The following PCM1 variants were observed in gnomAD, a reference collection of about 807,000 sequenced individuals.
PCM1 encodes the protein pericentriolar material 1.
PCM1 carries 157 observed loss-of-function variants against 241.9 expected under a neutral mutation model. The observed-to-expected ratio is 0.65, with a 90% CI of 0.57 to 0.74. The LOEUF (loss-of-function observed/expected upper bound fraction) is 0.74, where lower values mean the gene tolerates loss of function less well. Ranked by LOEUF, PCM1 falls within the 30% of genes least tolerant of loss-of-function variation. PCM1 has a pLI of 0.00. For synonymous variants in PCM1, 1,085 were observed against 784.9 expected (o/e 1.38, Z -6.39); for missense variants, 3,478 against 2,360.1 (o/e 1.47, Z -9.81).
intron 36 of PCM1, among the ~76,000 whole-genome samples, chr8:18,015,972 T>C (rs2093143786): frequency 6.6e-6 from 1 of 152,212 alleles, no homozygotes; most frequent in South Asian, 2.1e-4. Context: ...CACTGCAACC[T>C]CTGCCTCCTG....
intron 2 of PCM1, among the ~76,000 whole-genome samples, chr8:17,930,744 G>T (rs1018740040): frequency 6.6e-6 from 1 of 151,966 alleles, no homozygotes; most frequent in Non-Finnish European, 1.5e-5. Flanking sequence ...GCCAGGCGTG[G>T]TGGCGGGTGC....
rs141728937 is a variant in PCM1 at position 17,939,047 on chromosome 8, A to G, written c.612+38A>G. The G allele has an allele frequency of 3.7e-4, 588 of 1,604,278 alleles. 1 individual carries two copies. In the African/African-American group the frequency reaches 5.8e-3, roughly 16 times the overall value. The stretch of plus-strand genomic sequence containing the variant: ...GTTTCTTTTGCTCATTCTTTACACA[A>G]ACCTCAAAATACCAACAGTAAGGTT... On this transcript the variant is annotated intron_variant, in intron 5 of 38. Transcript: ENST00000325083.
rs1554688770 is a variant in PCM1 at position 17,968,762 on chromosome 8, GTATA to G, written c.3413-802_3413-799del. On this transcript the variant is annotated intron_variant, in intron 21 of 38. Coordinates refer to ENST00000325083, the MANE Select transcript of PCM1 (RefSeq NM_006197.4). Reference sequence around the variant, plus strand: ...TGTGTGTGTGTGTGTGTGTGTGTGTGTATATATATATATATACACACCACAGTGT... The same window carrying G: ...TGTGTGTGTGTGTGTGTGTGTGTGTGTATATATATATACACACCACAGTGT... Among the ~76,000 whole-genome samples, 597 of 136,762 alleles carry G rather than the reference GTATA, an allele frequency of 4.4e-3. 2 individuals carry two copies. Among genetic ancestry groups the G allele is most frequent in the African/African-American group, 0.011 (401 of 36,446 alleles). 89.7% of individuals were successfully genotyped at this position (136,762 alleles called of 152,430 possible).
chr8:17,964,431 ATAGT>A, intron 17 of PCM1, 133 bp from the exon 18 acceptor site: 1 of 619,842 alleles, frequency 1.6e-6, no homozygotes, highest in Non-Finnish European at 2.8e-6. Context: ...CACCCGTAGC[ATAGT>A]TATTGTGATT....
rs750669591 is a variant in PCM1 at position 18,006,361 on chromosome 8, A to C, written c.4926A>C (p.Val1642=). Residue 1642 remains valine (V), a synonymous_variant, in exon 30 of 39, where the codon GTA becomes GTC. Coordinates refer to ENST00000325083, the MANE Select transcript of PCM1 (RefSeq NM_006197.4). ...AAAATGATGAGAGCAAAGAGTTTGT[A>C]AAGTTCTTTCATAAACAACTTGGAA... ...TQQNDESKEF[V]KFFHKQLGSI... The C allele has an allele frequency of 4.3e-6, 7 of 1,612,934 alleles. No individual in the cohort carries two copies. In the South Asian group the frequency reaches 6.6e-5, roughly 15 times the overall value.
chr8:17,964,804 A>C (rs771716812), intron 18 of PCM1, 36 bp downstream of exon 18: 1 of 1,519,982 alleles, frequency 6.6e-7, no homozygotes, highest in Non-Finnish European at 9.1e-7. Flanking sequence ...GCTTAATTTA[A>C]GAGGCTCAGG....
chr8:17,944,629 A>G (rs1261346900), intron 6 of PCM1, among the ~76,000 whole-genome samples: 2 of 152,170 alleles, frequency 1.3e-5, no homozygotes, highest in Non-Finnish European at 2.9e-5. Context: ...GAATTAATAT[A>G]CACCTAGCAT....
intron 2 of PCM1, chr8:17,934,658 A>G (rs148180388): frequency 4.6e-5 from 7 of 152,120 alleles, no homozygotes; most frequent in Non-Finnish European, 8.8e-5. Flanking sequence ...ATGACTTTTC[A>G]TGTCCCTTGA....
intron 21 of PCM1, among the ~76,000 whole-genome samples, chr8:17,968,762 G>GTGTGTGTGTA (rs373502456): frequency 0.051 from 6,896 of 136,514 alleles, 213 homozygotes; most frequent in Non-Finnish European, 0.074. Context: ...GTGTGTGTGT[G>GTGTGTGTGTA]TATATATATA....
chr8:18,019,268 C>G (rs556758805), intron 36 of PCM1, among the ~76,000 whole-genome samples: 35 of 152,168 alleles, frequency 2.3e-4, no homozygotes, highest in Middle Eastern at 6.8e-3. Context: ...ATCTTTCATA[C>G]TTTTAGCTTA....
chr8:17,969,792 T>C, intron 22 of PCM1, 44 bp downstream of exon 22: 1 of 1,384,422 alleles, frequency 7.2e-7, no homozygotes, highest in Non-Finnish European at 1.0e-6. Flanking sequence ...CATTCACTTT[T>C]GTGATTACAT....
chr8:17,933,828 A>T (rs2059692621), intron 2 of PCM1, among the ~76,000 whole-genome samples: 1 of 152,132 alleles, frequency 6.6e-6, no homozygotes, highest in Admixed American at 6.5e-5. Context: ...AATGCCAAGT[A>T]ACTGATATGT....
chr8:17,944,214 A>G lies in PCM1; in HGVS notation c.784-2972A>G, dbSNP rs529694546. On this transcript the variant is annotated intron_variant, in intron 6 of 38. Coordinates refer to ENST00000325083, the MANE Select transcript of PCM1 (RefSeq NM_006197.4). ...TTTTAAACCAGCTATGGTTCTTCAG[A>G]CATGATGTCTTATACTTCTGTATTT... 5.3e-5 allele frequency among the ~76,000 whole-genome samples: 8 copies of G among 152,242 alleles called. 1 individual carries two copies. The Middle Eastern group carries it at 0.01, about 194-fold the overall frequency.
intron 24 of PCM1, among the ~76,000 whole-genome samples, chr8:17,982,123 A>G (rs953009927): frequency 2.6e-5 from 4 of 152,228 alleles, no homozygotes; most frequent in Admixed American, 2.6e-4. Flanking sequence ...TCAAGCTTAC[A>G]TTGCTAGGAA....
In PCM1 at chr8:17,957,343, C is replaced by T. The variant is rs1251160286; in HGVS notation, c.1726C>T (p.Arg576Ter). Residue 576 changes from arginine to a stop codon, truncating the protein, a stop_gained, in exon 12 of 39, where the codon CGA (arginine) becomes TGA (stop). Transcript: ENST00000325083. LOFTEE classifies it high-confidence loss of function. ...GTGTGTTTCTAATAATAGAGATGGG[C>T]GAACAGTTAATTCTAATTGTGAAAT... ...AQCVSNNRDG[R>*]TVNSNCEINN... The T allele has an allele frequency of 1.2e-6, 2 of 1,609,900 alleles. No individual in the cohort carries two copies. The highest frequency in any genetic ancestry group is 1.7e-6 in the Non-Finnish European group (2 of 1,176,600).
At chr8:17,934,846 C>G (rs1242774999) in intron 2 of PCM1, 1 of 152,196 alleles carries the variant, frequency 6.6e-6, no homozygotes, top group African/African-American at 2.4e-5. Context: ...TTTTTCTCAT[C>G]TCTTTGACCC....
intron 29 of PCM1, among the ~76,000 whole-genome samples, chr8:18,004,595 A>T (rs2090713264): frequency 6.6e-6 from 1 of 152,218 alleles, no homozygotes; most frequent in African/African-American, 2.4e-5. Flanking sequence ...ATCTGATTTT[A>T]ATTATTTATG....
chr8:17,973,314 A>G (rs962267930), intron 23 of PCM1, among the ~76,000 whole-genome samples: 2 of 152,226 alleles, frequency 1.3e-5, no homozygotes, highest in Admixed American at 1.3e-4. Flanking sequence ...TAGGTTAAAA[A>G]TAGTTTCATT....
Position 17,967,165 on chromosome 8 carries a change from C to G in PCM1, c.3407C>G (p.Ala1136Gly). 6.3e-7 allele frequency: 1 copy of G among 1,584,158 alleles called. No individual in the cohort carries two copies. Among genetic ancestry groups the G allele is most frequent in the Non-Finnish European group, 8.6e-7 (1 of 1,162,878 alleles). ...GGATTTACTAACTTTTCATCATTTG[C>G]ACCAGGTAGGTGACTTAACCTAAAG... ...IPGFTNFSSF[A>G]PGMNFSPLFP... The change falls in exon 21 of 39, where the codon GCA becomes GGA. Residue 1136 changes from alanine (A) to glycine (G), a missense_variant. Physicochemically the swap from Ala to Gly is moderately conservative, Grantham distance 60 (BLOSUM62 0). Coordinates refer to ENST00000325083, the MANE Select transcript of PCM1 (RefSeq NM_006197.4).
Sources: gnomAD v4.1 joint callset for allele counts (sites outside exome capture counted in the v4.1 genomes callset) on GRCh38, gnomAD v4.1.1 for gene constraint, MANE v1.5 for transcripts, NCBI Gene and HGNC (gene_info 2026-07-23, HGNC 2026-07-21) for gene names.